The following EFCAB6 variants were observed in gnomAD, a reference collection of about 807,000 sequenced individuals.
The protein encoded by EFCAB6 is EF-hand calcium-binding domain-containing protein 6.
EFCAB6 carries 156 observed loss-of-function variants against 169.8 expected under a neutral mutation model. The ratio of observed to expected loss-of-function variants is 0.92; its 90% CI spans 0.81 to 1.05. EFCAB6 has a LOEUF of 1.05. EFCAB6 is among the 50% of genes least tolerant of loss of function. The pLI, the probability that EFCAB6 is intolerant of heterozygous loss-of-function variation, is 0.00. For missense variants in EFCAB6, 1,800 were observed against 1,829.1 expected, an observed-to-expected ratio of 0.98 and a Z score of 0.29; for synonymous variants, 698 against 676.4, an observed-to-expected ratio of 1.03 and a Z score of -0.50.
At chr22:43,632,380 A>C (rs1602754398) in intron 18 of EFCAB6, 142 bp from the exon 19 acceptor site, 2 of 1,185,922 alleles carry the variant, frequency 1.7e-6, no homozygotes, top group South Asian at 1.6e-5. Flanking sequence ...GCTCACTGCA[A>C]CCTCCACCTC....
chr22:43,609,840 G>C (rs896427868), intron 21 of EFCAB6, among the ~76,000 whole-genome samples: 4 of 152,212 alleles, frequency 2.6e-5, no homozygotes, highest in East Asian at 1.9e-4. Context: ...ATGTGATGTA[G>C]GTGCCAGCAC....
chr22:43,804,270 A>G (rs1173202215), intron 2 of EFCAB6, among the ~76,000 whole-genome samples: 1 of 152,216 alleles, frequency 6.6e-6, no homozygotes, highest in Non-Finnish European at 1.5e-5. Flanking sequence ...AATTTCTTGA[A>G]ATAAATGAAA....
chr22:43,631,968 G>T, intron 19 of EFCAB6, 137 bp downstream of exon 19: 1 of 1,288,652 alleles, frequency 7.8e-7, no homozygotes, highest in East Asian at 2.5e-5. Flanking sequence ...ACCAATGCTG[G>T]GTCTGCAGAG....
chr22:43,589,678 C>T (rs1373843499), intron 24 of EFCAB6, among the ~76,000 whole-genome samples: 1 of 152,130 alleles, frequency 6.6e-6, no homozygotes, highest in East Asian at 1.9e-4. Context: ...ATCCCAGCTA[C>T]TTGGGAGCCT....
chr22:43,566,023 A>G (rs74499825), intron 26 of EFCAB6, among the ~76,000 whole-genome samples: 1 of 152,152 alleles, frequency 6.6e-6, no homozygotes, highest in African/African-American at 2.4e-5. Flanking sequence ...AAAAAAAAAA[A>G]AAGATAAAAC....
At chr22:43,702,054 A>C (rs759113969) in intron 10 of EFCAB6, among the ~76,000 whole-genome samples, 1 of 152,332 alleles carries the variant, frequency 6.6e-6, no homozygotes, top group Middle Eastern at 3.4e-3. Context: ...GCCCAGGTAC[A>C]TGGGAAGGTC....
At chr22:43,626,000 T>C (rs1037715481) in intron 20 of EFCAB6, among the ~76,000 whole-genome samples, 16 of 152,374 alleles carry the variant, frequency 1.1e-4, no homozygotes, top group African/African-American at 3.8e-4. Context: ...GCAAAAAGCA[T>C]ATATTTTTGA....
At chr22:43,743,297 A>C (rs1374857091) in intron 6 of EFCAB6, among the ~76,000 whole-genome samples, 7 of 152,168 alleles carry the variant, frequency 4.6e-5, no homozygotes, top group Non-Finnish European at 1.0e-4. Context: ...AAGGCACATA[A>C]CTGCTCTGGG....
At chr22:43,582,760 G>A in intron 24 of EFCAB6, among the ~76,000 whole-genome samples, 1 of 152,092 alleles carries the variant, frequency 6.6e-6, no homozygotes, top group Non-Finnish European at 1.5e-5. Context: ...AAAAACTCAA[G>A]AGAGGAGAAA....
intron 3 of EFCAB6, among the ~76,000 whole-genome samples, chr22:43,781,978 C>T (rs2061837119): frequency 6.6e-6 from 1 of 152,134 alleles, no homozygotes; most frequent in Non-Finnish European, 1.5e-5. Flanking sequence ...CACTTAAAAC[C>T]TTGTAACTTT....
At position 43,530,820 on chromosome 22, in the gene EFCAB6, T is replaced by C. The variant is rs1367647713; in HGVS notation, c.4378A>G (p.Arg1460Gly). 4 of 1,613,704 alleles carry C rather than the reference T, an allele frequency of 2.5e-6. No homozygotes were observed. Among genetic ancestry groups the C allele is most frequent in the East Asian group, 4.5e-5 (2 of 44,888 alleles). ...GGGCGCAGAGCTGTGCTCACCGTCC[T>C]GAAATCTGCGACGCTTAGCAGCCCT... is the stretch of plus-strand genomic sequence containing the variant. ...GTGLLSVADF[R>G]TVLRQYSINL... Residue 1460 changes from arginine to glycine, a missense_variant, in exon 31 of 32, where the codon AGG becomes GGG. Transcript: ENST00000262726.
chr22:43,677,133 G>T (rs901951252), intron 13 of EFCAB6, among the ~76,000 whole-genome samples: 1 of 152,094 alleles, frequency 6.6e-6, no homozygotes, highest in South Asian at 2.1e-4. Context: ...AATTGATAAA[G>T]TTCTTAAAAT....
intron 22 of EFCAB6, among the ~76,000 whole-genome samples, chr22:43,601,895 C>T (rs145471283): frequency 6.6e-6 from 1 of 152,206 alleles, no homozygotes; most frequent in South Asian, 2.1e-4. Flanking sequence ...CCCTGCAGGT[C>T]CCCACTCCTC....
At position 43,687,582 on chromosome 22, in the gene EFCAB6, C is replaced by A; in HGVS notation, c.1032-1G>T. On this transcript the variant is annotated splice_acceptor_variant, in intron 10 of 31. Coordinates refer to ENST00000262726, the MANE Select transcript of EFCAB6 (RefSeq NM_022785.4). LOFTEE classifies it high-confidence loss of function. ...TTTAGTGGTGGCTTTAAGTCCAAAT[C>A]TGGATTTAAAAGTAACAACAAAAAA... is the stretch of plus-strand genomic sequence containing the variant. 6.4e-7 allele frequency: 1 copy of A among 1,559,200 alleles called. No individual in the cohort carries two copies. The highest frequency in any genetic ancestry group is 1.8e-5 in the Admixed American group (1 of 54,536).
chr22:43,602,779 C>T (rs2052614214), intron 22 of EFCAB6, among the ~76,000 whole-genome samples: 1 of 152,094 alleles, frequency 6.6e-6, no homozygotes, highest in Non-Finnish European at 1.5e-5. Flanking sequence ...AAAAGAACCA[C>T]AACCGTGCCT....
At chr22:43,647,697 A>G (rs2056249661) in intron 17 of EFCAB6, among the ~76,000 whole-genome samples, 1 of 152,238 alleles carries the variant, frequency 6.6e-6, no homozygotes, top group Non-Finnish European at 1.5e-5. Context: ...CCTTAGAACA[A>G]GAGAGAAATT....
intron 4 of EFCAB6, among the ~76,000 whole-genome samples, chr22:43,768,555 T>C (rs1319603744): frequency 6.6e-6 from 1 of 152,230 alleles, no homozygotes; most frequent in Non-Finnish European, 1.5e-5. Context: ...CCCAATGACC[T>C]TGGCCTCCTG....
intron 8 of EFCAB6, among the ~76,000 whole-genome samples, chr22:43,723,340 G>T (rs939892618): frequency 4.6e-5 from 7 of 152,128 alleles, no homozygotes; most frequent in African/African-American, 7.2e-5. Flanking sequence ...AATGGAGGGG[G>T]TGTGGATTGA....
chr22:43,721,530 C>T (rs1447031596), intron 8 of EFCAB6, among the ~76,000 whole-genome samples: 1 of 152,130 alleles, frequency 6.6e-6, no homozygotes, highest in African/African-American at 2.4e-5. Context: ...CAGCATGACA[C>T]TAGTACAAAA....
Sources: allele counts gnomAD v4.1 joint callset (sites outside exome capture counted in the v4.1 genomes callset), GRCh38; gene constraint gnomAD v4.1.1; transcripts MANE v1.5; gene names NCBI Gene and HGNC (gene_info 2026-07-23, HGNC 2026-07-21).